Variants in C1orf159 observed in about 807,000 individuals in gnomAD.
C1orf159 encodes the protein uncharacterized protein C1orf159.
C1orf159 carries 19 observed loss-of-function variants against 25.6 expected under a neutral mutation model. The observed-to-expected ratio is 0.74, with a 90% confidence interval of 0.52 to 1.09. The LOEUF is 1.09. Ranked by LOEUF, C1orf159 falls within the 50% of genes least tolerant of loss-of-function variation. The probability of loss-of-function intolerance (pLI) is 0.00; values close to 1 mark genes in which losing one functional copy is unlikely to be tolerated. For synonymous variants in C1orf159, 139 were observed against 124.7 expected (o/e 1.12, Z -0.77); for missense variants, 274 against 290.6 (o/e 0.94, Z 0.42).
intron 7 of C1orf159, among the ~76,000 whole-genome samples, chr1:1,084,757 G>A (rs1388704069): frequency 6.6e-6 from 1 of 152,122 alleles, no homozygotes; most frequent in African/African-American, 2.4e-5. Context: ...AGCACCCCAG[G>A]TGAGTCCCCG....
chr1:1,089,194 C>T lies in C1orf159; in HGVS notation c.148+1159G>A, dbSNP rs1435157324. On this transcript the variant is annotated intron_variant, in intron 4 of 9. Coordinates refer to ENST00000421241, the MANE Select transcript of C1orf159 (RefSeq NM_017891.5). The surrounding 1 kb of genome is among the most constrained non-coding windows in gnomAD (Gnocchi z 7.5). ...GCGCCAGACGGTCCCCACCCTGCGC[C>T]TGTGCATGGGGCCACCTCGGCCCTT... Among the ~76,000 whole-genome samples, 1 of 152,198 alleles carries T rather than the reference C, an allele frequency of 6.6e-6. No individual in the cohort carries two copies. The highest frequency in any genetic ancestry group is 2.4e-5 in the African/African-American group (1 of 41,444).
rs1052293133 is a variant in C1orf159 at position 1,107,984 on chromosome 1, C to T, written c.-136+8076G>A. ...TCTTTAAGAACTGTAACACTCACTG[C>T]GAGGGTCTGCGGCTTCATTCTTGAA... On this transcript the variant is annotated intron_variant, in intron 1 of 9. Transcript: ENST00000421241. 4.6e-5 allele frequency among the ~76,000 whole-genome samples: 7 copies of T among 152,298 alleles called. No homozygotes were observed. The East Asian group carries it at 1.2e-3, about 25-fold the overall frequency.
chr1:1,090,427 G>A lies in C1orf159; in HGVS notation c.74C>T (p.Ala25Val). 6.4e-7 allele frequency: 1 copy of A among 1,550,458 alleles called. No homozygotes were observed. The highest frequency in any genetic ancestry group is 8.7e-7 in the Non-Finnish European group (1 of 1,146,922). ...ATCCACACAGCACTCGGGCAGCTGGGCCTGGAGGGGACACGGCAGTGAAAC... is the reference window on the plus strand; with the variant it reads ...ATCCACACAGCACTCGGGCAGCTGGACCTGGAGGGGACACGGCAGTGAAAC... ...GVASKSMENT[A>V]QLPECCVDVV... The change falls in exon 4 of 10, where the codon GCC becomes GTC. Residue 25 changes from alanine to valine, a missense_variant and splice_region_variant. Coordinates refer to ENST00000421241, the MANE Select transcript of C1orf159 (RefSeq NM_017891.5).
chr1:1,109,473 C>A (rs1228596971), intron 1 of C1orf159, among the ~76,000 whole-genome samples: 1 of 151,310 alleles, frequency 6.6e-6, no homozygotes, highest in East Asian at 1.9e-4. Flanking sequence ...TTTAAAATTT[C>A]TTTCTTTCTT....
In C1orf159 at chr1:1,089,895, C is replaced by T. The variant is rs1359906330; in HGVS notation, c.148+458G>A. On this transcript the variant is annotated intron_variant, in intron 4 of 9. Coordinates refer to ENST00000421241, the MANE Select transcript of C1orf159 (RefSeq NM_017891.5). This position sits in a 1 kb window ranked among gnomAD's most constrained non-coding sequence, Gnocchi z 7.5. Reference sequence around the variant, plus strand: ...TCTGATGAACAGGGCCTGCCCGTGGCACGCTGACACAGGCCGGCATCCTCG... The same window carrying T: ...TCTGATGAACAGGGCCTGCCCGTGGTACGCTGACACAGGCCGGCATCCTCG... 6.6e-6 allele frequency among the ~76,000 whole-genome samples: 1 copy of T among 152,226 alleles called. No individual in the cohort carries two copies. Among genetic ancestry groups the T allele is most frequent in the African/African-American group, 2.4e-5 (1 of 41,466 alleles).
chr1:1,083,702 C>G (rs750851769), intron 9 of C1orf159: 8 of 587,360 alleles, frequency 1.4e-5, no homozygotes, highest in Non-Finnish European at 2.4e-5. Flanking sequence ...GTCTGCTGGG[C>G]ACTTGCAGAC....
chr1:1,108,845 TC>T (rs1557436477), intron 1 of C1orf159, among the ~76,000 whole-genome samples: 10 of 94,348 alleles, frequency 1.1e-4, no homozygotes, highest in African/African-American at 6.5e-4. Context: ...CCACCATGTC[TC>T]GGCACCATCC....
At chr1:1,098,979 T>C (rs1252376332) in intron 1 of C1orf159, among the ~76,000 whole-genome samples, 1 of 140,858 alleles carries the variant, frequency 7.1e-6, no homozygotes, top group South Asian at 2.2e-4. Context: ...AGATCCCCCA[T>C]GTCTTCACTG....
At chr1:1,086,164 G>A (rs1645827850) in intron 6 of C1orf159, among the ~76,000 whole-genome samples, 152 bp from the exon 7 acceptor site, 1 of 152,344 alleles carries the variant, frequency 6.6e-6, no homozygotes, top group Non-Finnish European at 1.5e-5. Flanking sequence ...CTCTGCACAT[G>A]GGCCTGGGTC....
chr1:1,096,643 T>C (rs1389023720), intron 1 of C1orf159, among the ~76,000 whole-genome samples: 1 of 152,254 alleles, frequency 6.6e-6, no homozygotes, highest in Admixed American at 6.5e-5. Flanking sequence ...CAGATTTCCA[T>C]TGCTTTTGAC....
chr1:1,105,706 C>T (rs1236331611), intron 1 of C1orf159, among the ~76,000 whole-genome samples: 1 of 151,290 alleles, frequency 6.6e-6, no homozygotes, highest in Non-Finnish European at 1.5e-5. Flanking sequence ...ATGGTGAAAC[C>T]CTGTCTCTAC....
chr1:1,108,297 G>C (rs879111373), intron 1 of C1orf159, among the ~76,000 whole-genome samples: 1 of 67,120 alleles, frequency 1.5e-5, no homozygotes, highest in Non-Finnish European at 3.0e-5. Flanking sequence ...ACCATGTCTC[G>C]GCACCGTTCA....
chr1:1,083,854 G>T, intron 9 of C1orf159: 1 of 1,437,484 alleles, frequency 7.0e-7, no homozygotes, highest in Non-Finnish European at 9.5e-7. Flanking sequence ...TTGGAGCTGT[G>T]TGGCTGTGCG....
At position 1,082,649 on chromosome 1, in the gene C1orf159, GCTCTGAGGT is replaced by G. The variant is rs764555513; in HGVS notation, c.*235_*243del. ...GGACCCCCCAAGGCCTCGATCTGAA[GCTCTGAGGT>G]CTCATGGATGCCTGCTCCTGGTCCG... On this transcript the variant is annotated 3_prime_UTR_variant, in exon 10 of 10. Transcript: ENST00000421241. 778 of 550,330 alleles carry G rather than the reference GCTCTGAGGT, an allele frequency of 1.4e-3. 3 individuals are homozygous for G. Among genetic ancestry groups the G allele is most frequent in the Non-Finnish European group, 1.8e-3 (550 of 305,738 alleles). 34.1% of individuals were successfully genotyped at this position (550,330 alleles called of 1,614,324 possible).
At chr1:1,112,543 C>T (rs2100780809) in intron 1 of C1orf159, among the ~76,000 whole-genome samples, 1 of 152,192 alleles carries the variant, frequency 6.6e-6, no homozygotes, top group East Asian at 1.9e-4. Context: ...ACACAACGCG[C>T]ACGCTCCCTC....
chr1:1,111,541 A>G (rs1228788302), intron 1 of C1orf159, among the ~76,000 whole-genome samples: 1 of 152,112 alleles, frequency 6.6e-6, no homozygotes, highest in Non-Finnish European at 1.5e-5. Flanking sequence ...CTCAACAACA[A>G]CAACAAAGAA....
chr1:1,103,462 A>G (rs909540394), intron 1 of C1orf159, among the ~76,000 whole-genome samples: 1 of 152,202 alleles, frequency 6.6e-6, no homozygotes, highest in Non-Finnish European at 1.5e-5. Context: ...CTCTGAAGAG[A>G]ATCAATGTTT....
At position 1,089,110 on chromosome 1, in the gene C1orf159, T is replaced by C. The variant is rs1025598958; in HGVS notation, c.148+1243A>G. ...TCCCCGAGCGGAGACGTGACCTGGC[T>C]TGGGGCCGCACGCAGGGGGAAGCGT... On this transcript the variant is annotated intron_variant, in intron 4 of 9. Transcript: ENST00000421241. The surrounding 1 kb of genome is among the most constrained non-coding windows in gnomAD (Gnocchi z 7.5). Among the ~76,000 whole-genome samples the C allele has an allele frequency of 1.3e-5, 2 of 152,176 alleles. No individual in the cohort carries two copies. The highest frequency in any genetic ancestry group is 2.1e-4 in the South Asian group (1 of 4,834).
chr1:1,103,693 C>A (rs1472411279), intron 1 of C1orf159, among the ~76,000 whole-genome samples: 1 of 152,176 alleles, frequency 6.6e-6, no homozygotes, highest in Admixed American at 6.5e-5. Flanking sequence ...CCTTCCCCTG[C>A]CTGCTCCTGG....
Sources: gnomAD v4.1 joint callset for allele counts (sites outside exome capture counted in the v4.1 genomes callset) on GRCh38, gnomAD v4.1.1 for gene constraint, Gnocchi (gnomAD v3.1) non-coding constraint, MANE v1.5 for transcripts, NCBI Gene and HGNC (gene_info 2026-07-23, HGNC 2026-07-21) for gene names.